Variants in ARHGEF2 observed in about 807,000 individuals in gnomAD.
The protein encoded by ARHGEF2 is rho guanine nucleotide exchange factor 2.
Under a neutral mutation model 121.0 loss-of-function variants are expected in ARHGEF2, and 22 were observed. The ratio of observed to expected loss-of-function variants is 0.18; its 90% CI spans 0.13 to 0.26. ARHGEF2 has a LOEUF of 0.26. ARHGEF2 is among the 10% of genes least tolerant of loss of function. The pLI is 1.00. For synonymous variants in ARHGEF2, 487 were observed against 530.0 expected (o/e 0.92, Z 1.11); for missense variants, 907 against 1,336.0 (o/e 0.68, Z 5.01).
rs759298692 is a variant in ARHGEF2, at chr1:155,951,786, T to G, written c.2173-10A>C. The G allele has an allele frequency of 6.2e-7, 1 of 1,613,912 alleles. No homozygotes were observed. The highest frequency in any genetic ancestry group is 8.5e-7 in the Non-Finnish European group (1 of 1,179,980). ...GATTTCCATTTCGATCCTGCAGAAA[T>G]GGGCAAGAATGGGGAGTCAGCAGGC... On this transcript the variant is annotated splice_polypyrimidine_tract_variant and intron_variant, in intron 17 of 21. Transcript: ENST00000361247. The surrounding 1 kb of genome is among the most constrained non-coding windows in gnomAD (Gnocchi z 5.1).
intron 11 of ARHGEF2, among the ~76,000 whole-genome samples, chr1:155,959,748 T>C (rs537927233): frequency 5.3e-5 from 8 of 152,276 alleles, no homozygotes; most frequent in Admixed American, 1.3e-4. Flanking sequence ...TTTCACCATC[T>C]TGGCCAGGCT....
At chr1:155,971,183 C>T in intron 1 of ARHGEF2, 1 of 904,160 alleles carries the variant, frequency 1.1e-6, no homozygotes, top group African/African-American at 1.8e-5. Context: ...AATGTTCTGG[C>T]CTCCTTTTTT....
Position 155,962,022 on chromosome 1 carries a change from C to T in ARHGEF2, c.1219+83G>A. 6.2e-7 allele frequency: 1 copy of T among 1,603,742 alleles called. No homozygotes were observed. The highest frequency in any genetic ancestry group is 1.1e-5 in the South Asian group (1 of 90,604). On this transcript the variant is annotated intron_variant, in intron 10 of 21. Transcript: ENST00000361247. The surrounding 1 kb of genome is among the most constrained non-coding windows in gnomAD (Gnocchi z 5.8). ...CTGCCCAGGGTTTCACACCCGACCC[C>T]ACCCTTCCTGTGGTCATACCGAGCC...
chr1:155,973,065 T>C (rs1052582873), intron 1 of ARHGEF2, among the ~76,000 whole-genome samples: 3 of 150,320 alleles, frequency 2.0e-5, no homozygotes, highest in African/African-American at 7.4e-5. Context: ...CTACACACCT[T>C]CATCCACACT....
chr1:155,966,497 G>A lies in ARHGEF2; in HGVS notation c.277-18C>T. ...TTCTGTTGCTGTGAGACAGAGAGCA[G>A]GAGAGAGATACCAAGAATGGCTGTC... On this transcript the variant is annotated intron_variant, in intron 3 of 21. Coordinates refer to ENST00000361247, the MANE Select transcript of ARHGEF2 (RefSeq NM_001162383.2). 6.2e-7 allele frequency: 1 copy of A among 1,613,996 alleles called. No homozygotes were observed. Among genetic ancestry groups the A allele is most frequent in the South Asian group, 1.1e-5 (1 of 91,088 alleles).
chr1:155,964,829 G>A (rs552811794), intron 7 of ARHGEF2, among the ~76,000 whole-genome samples, 159 bp downstream of exon 7: 6 of 150,984 alleles, frequency 4.0e-5, no homozygotes, highest in African/African-American at 1.5e-4. Flanking sequence ...GGAGGTGGAG[G>A]CTGCAGTGAG....
At position 155,962,403 on chromosome 1, in the gene ARHGEF2, G is replaced by A. The variant is rs962691063; in HGVS notation, c.1102-181C>T. On this transcript the variant is annotated intron_variant, in intron 9 of 21. Coordinates refer to ENST00000361247, the MANE Select transcript of ARHGEF2 (RefSeq NM_001162383.2). This position sits in a 1 kb window ranked among gnomAD's most constrained non-coding sequence, Gnocchi z 5.8. ...TGAGGACCAACTGAAGGAGCAAAAAGTACTTGGGAAACTACCACAACGTGC... is the reference window on the plus strand; with the variant it reads ...TGAGGACCAACTGAAGGAGCAAAAAATACTTGGGAAACTACCACAACGTGC... 1.3e-5 allele frequency: 14 copies of A among 1,049,164 alleles called. No individual in the cohort carries two copies. Among genetic ancestry groups the A allele is most frequent in the Non-Finnish European group, 1.9e-5 (14 of 721,702 alleles). 65.0% of individuals were successfully genotyped at this position (1,049,164 alleles called of 1,614,324 possible).
upstream of ARHGEF2, chr1:155,979,230 C>T (rs1681891209): frequency 2.0e-6 from 2 of 985,494 alleles, no homozygotes; most frequent in Non-Finnish European, 1.2e-6. Flanking sequence ...CCGCCTCTGC[C>T]AGCTACTTTG....
intron 13 of ARHGEF2, 63 bp from the exon 14 acceptor site, chr1:155,955,032 C>G (rs1676380958): frequency 7.5e-7 from 1 of 1,337,618 alleles, no homozygotes; most frequent in Admixed American, 1.9e-5. Context: ...CCAGAATCAG[C>G]CTTCCCTCCT....
upstream of ARHGEF2, chr1:155,979,222 G>A (rs1339658749): frequency 5.1e-6 from 5 of 985,376 alleles, no homozygotes; most frequent in Non-Finnish European, 1.2e-6. Context: ...TCCTAGCTCC[G>A]CCTCTGCCAG....
chr1:155,967,322 G>A (rs1679613121), intron 2 of ARHGEF2, among the ~76,000 whole-genome samples: 1 of 152,136 alleles, frequency 6.6e-6, no homozygotes, highest in African/African-American at 2.4e-5. Flanking sequence ...CATTCCCTGA[G>A]CTTTTATAAT....
Position 155,962,786 on chromosome 1 carries a change from C to T in ARHGEF2, c.976-68G>A. 6.2e-7 allele frequency: 1 copy of T among 1,602,924 alleles called. No individual in the cohort carries two copies. The highest frequency in any genetic ancestry group is 8.5e-7 in the Non-Finnish European group (1 of 1,173,276). ...GCCACACTTTACCCACTGGACACAC[C>T]TCTGGCCTCCTGCCAAACAGGCTGG... is the stretch of plus-strand genomic sequence containing the variant. On this transcript the variant is annotated intron_variant, in intron 8 of 21. Coordinates refer to ENST00000361247, the MANE Select transcript of ARHGEF2 (RefSeq NM_001162383.2). The surrounding 1 kb of genome is among the most constrained non-coding windows in gnomAD (Gnocchi z 5.8).
intron 11 of ARHGEF2, among the ~76,000 whole-genome samples, chr1:155,960,695 T>G (rs1677725486): frequency 6.6e-6 from 1 of 152,080 alleles, no homozygotes; most frequent in Admixed American, 6.5e-5. Flanking sequence ...AGACTGACAA[T>G]ATCCAAACCC....
intron 1 of ARHGEF2, among the ~76,000 whole-genome samples, chr1:155,976,950 T>C (rs1248324299): frequency 6.6e-6 from 1 of 152,082 alleles, no homozygotes; most frequent in East Asian, 1.9e-4. Context: ...AAAGTCCTTT[T>C]AAAGCTGCTT....
At position 155,962,091 on chromosome 1, in the gene ARHGEF2, G is replaced by T. The variant is rs1213644630; in HGVS notation, c.1219+14C>A. ...CCGTCTCCCAGTGGCCCTCTCCTGGGCCTGCCTACTCACCGTGGGAATGCT... is the reference window on the plus strand; with the variant it reads ...CCGTCTCCCAGTGGCCCTCTCCTGGTCCTGCCTACTCACCGTGGGAATGCT... On this transcript the variant is annotated intron_variant, in intron 10 of 21. Coordinates refer to ENST00000361247, the MANE Select transcript of ARHGEF2 (RefSeq NM_001162383.2). This position sits in a 1 kb window ranked among gnomAD's most constrained non-coding sequence, Gnocchi z 5.8. 6.2e-7 allele frequency: 1 copy of T among 1,613,612 alleles called. No homozygotes were observed. The highest frequency in any genetic ancestry group is 1.1e-5 in the South Asian group (1 of 91,078).
At position 155,961,734 on chromosome 1, in the gene ARHGEF2, T is replaced by G. The variant is rs1677975262; in HGVS notation, c.1395A>C (p.Arg465=). 1 of 1,614,168 alleles carries G rather than the reference T, an allele frequency of 6.2e-7. No homozygotes were observed. The highest frequency in any genetic ancestry group is 1.6e-4 in the Middle Eastern group (1 of 6,062). The change falls in exon 11 of 22, where the codon CGA becomes CGC. Residue 465 remains arginine, a synonymous_variant. Coordinates refer to ENST00000361247, the MANE Select transcript of ARHGEF2 (RefSeq NM_001162383.2). This position sits in a 1 kb window ranked among gnomAD's most constrained non-coding sequence, Gnocchi z 4.7. ...TPVPGKGPFG[R]EELLRRKLIH... is the part of the protein sequence containing the mutation. ...TGAGTTTGCGCCTCAGAAGTTCCTC[T>G]CGGCCAAAGGGGCCCTTGCCAGGCA...
At chr1:155,969,773 T>C (rs1680118039) in intron 1 of ARHGEF2, 1 of 988,592 alleles carries the variant, frequency 1.0e-6, no homozygotes. Context: ...TGACAACCAG[T>C]GTTGGATCTG....
rs1000416499 is a variant in ARHGEF2, at chr1:155,947,499, C to T, written c.*443G>A. On this transcript the variant is annotated 3_prime_UTR_variant, in exon 22 of 22. Transcript: ENST00000361247. ...CAGTAGGGTGCTGTGGCTGCAGCCT[C>T]TCCTCCAAGACGGATGTTGCAGGGG... 4.5e-6 allele frequency: 2 copies of T among 446,214 alleles called. No homozygotes were observed. The highest frequency in any genetic ancestry group is 9.0e-6 in the Non-Finnish European group (2 of 221,952). 27.6% of individuals were successfully genotyped at this position (446,214 alleles called of 1,614,324 possible).
intron 13 of ARHGEF2, among the ~76,000 whole-genome samples, chr1:155,957,011 A>C (rs1162967956): frequency 1.3e-5 from 2 of 151,584 alleles, no homozygotes; most frequent in African/African-American, 4.8e-5. Context: ...CAGTGAGCTG[A>C]GAGCGAGACT....
Sources: allele counts gnomAD v4.1 joint callset (sites outside exome capture counted in the v4.1 genomes callset), GRCh38; gene constraint gnomAD v4.1.1; non-coding constraint Gnocchi (gnomAD v3.1); transcripts MANE v1.5; gene names NCBI Gene and HGNC (gene_info 2026-07-23, HGNC 2026-07-21).